The following TNXB variants were observed in gnomAD, a reference collection of about 807,000 sequenced individuals.
TNXB encodes the protein tenascin-X.
In TNXB, 183 loss-of-function variants were observed where a neutral mutation model predicts 340.5. The observed-to-expected ratio is 0.54, with a 90% CI of 0.48 to 0.61. The LOEUF (loss-of-function observed/expected upper bound fraction) is 0.61. TNXB is among the 20% of genes least tolerant of loss of function. The pLI, the probability that TNXB is intolerant of heterozygous loss-of-function variation, is 0.00. For missense variants in TNXB, 4,613 were observed against 5,446.4 expected, an observed-to-expected ratio of 0.85 and a Z score of 4.82; for synonymous variants, 2,121 against 2,314.5, an observed-to-expected ratio of 0.92 and a Z score of 2.40.
chr6:32,105,796 T>C (rs1162416724), intron 1 of TNXB, among the ~76,000 whole-genome samples: 2 of 152,176 alleles, frequency 1.3e-5, no homozygotes, highest in Non-Finnish European at 2.9e-5. Context: ...GGTGAACACA[T>C]GCAAACCCTA....
Position 32,084,536 on chromosome 6 carries a change from C to T in TNXB, c.3322G>A (p.Val1108Met), listed in dbSNP as rs121912575. The T allele has an allele frequency of 7.0e-4, 1,130 of 1,608,792 alleles. No homozygotes were observed. The highest frequency in any genetic ancestry group is 1.0e-3 in the Admixed American group (61 of 60,008). Reference sequence around the variant, plus strand: ...ACGGCCGAGCGCTGGGGTCCTTCCACGGGCACCACCTGGGGCTGCCCGTCC... The same window carrying T: ...ACGGCCGAGCGCTGGGGTCCTTCCATGGGCACCACCTGGGGCTGCCCGTCC... ...DRDGQPQVVP[V>M]EGPQRSAVIT... Residue 1108 changes from valine (V) to methionine (M), a missense_variant, in exon 8 of 44, where the codon GTG (valine) becomes ATG (methionine). Coordinates refer to ENST00000644971, the MANE Select transcript of TNXB (RefSeq NM_001365276.2). This position sits in a 1 kb window ranked among gnomAD's most constrained non-coding sequence, Gnocchi z 5.5.
At chr6:32,094,395 T>G (rs1256549563) in intron 4 of TNXB, among the ~76,000 whole-genome samples, 1 of 152,196 alleles carries the variant, frequency 6.6e-6, no homozygotes, top group Non-Finnish European at 1.5e-5. Flanking sequence ...GGGCCTATAT[T>G]ACTTTTATAA....
intron 1 of TNXB, among the ~76,000 whole-genome samples, chr6:32,107,157 C>T (rs558841007): frequency 6.6e-6 from 1 of 152,330 alleles, no homozygotes; most frequent in African/African-American, 2.4e-5. Context: ...TGGGAAGCAG[C>T]GGACACATGG....
intron 1 of TNXB, among the ~76,000 whole-genome samples, chr6:32,102,918 CAAAAAACAAACA>C (rs1780793696): frequency 1.3e-5 from 2 of 151,460 alleles, no homozygotes; most frequent in South Asian, 4.2e-4. Context: ...GACTCTATGT[CAAAAAACAAACA>C]AAAAAACAAA....
In TNXB at chr6:32,082,260, G is replaced by T. The variant is rs1369354124; in HGVS notation, c.3512C>A (p.Thr1171Asn). 1.9e-6 allele frequency: 3 copies of T among 1,607,376 alleles called. No homozygotes were observed. The highest frequency in any genetic ancestry group is 1.7e-6 in the Non-Finnish European group (2 of 1,177,500). Residue 1171 changes from threonine to asparagine, a missense_variant, in exon 9 of 44, where the codon ACC (threonine) becomes AAC (asparagine). Around this residue, in one of 7 missense-constraint regions of TNXB, gnomAD observed 4,327 missense variants for 4,859.4 expected, o/e 0.89. Coordinates refer to ENST00000644971, the MANE Select transcript of TNXB (RefSeq NM_001365276.2). The surrounding 1 kb of genome is among the most constrained non-coding windows in gnomAD (Gnocchi z 5.0). ...HLGNLWVTDPTPDSLHLSWTV... is the reference protein window; with the variant it reads ...HLGNLWVTDPNPDSLHLSWTV... ...CCAGGAGAGGTGCAGTGAATCTGGG[G>T]TAGGGTCTGTCACCCACAGGTTTCC...
chr6:32,082,056 A>AG lies in TNXB; in HGVS notation c.3715dup (p.Leu1239ProfsTer19). The AG allele has an allele frequency of 1.2e-6, 2 of 1,606,298 alleles. No homozygotes were observed. The highest frequency in any genetic ancestry group is 1.7e-6 in the Non-Finnish European group (2 of 1,176,842). On this transcript the variant is annotated frameshift_variant, in exon 9 of 44. Coordinates refer to ENST00000644971, the MANE Select transcript of TNXB (RefSeq NM_001365276.2). LOFTEE classifies it high-confidence loss of function. This position sits in a 1 kb window ranked among gnomAD's most constrained non-coding sequence, Gnocchi z 5.0. ...CTCACCAGTGGTGCCATCGGCCGTG[A>AG]GGGGGCCATACCGCTTCTTGTTCGC...
At position 32,053,470 on chromosome 6, in the gene TNXB, C is replaced by T. The variant is rs1342757861; in HGVS notation, c.8709G>A (p.Glu2903=). ...GGTTCATCTTGTACTTGTGGTCTGGCTCCAGGCCTGAGATGGTGACCCCGT... is the reference window on the plus strand; with the variant it reads ...GGTTCATCTTGTACTTGTGGTCTGGTTCCAGGCCTGAGATGGTGACCCCGT... The part of the protein sequence containing the change: ...HEDGVTISGL[E]PDHKYKMNLY... The change falls in exon 25 of 44, where the codon GAG becomes GAA. Residue 2903 remains glutamate (E), a synonymous_variant. Coordinates refer to ENST00000644971, the MANE Select transcript of TNXB (RefSeq NM_001365276.2). 6.2e-7 allele frequency: 1 copy of T among 1,613,372 alleles called. No individual in the cohort carries two copies. The highest frequency in any genetic ancestry group is 1.3e-5 in the African/African-American group (1 of 75,048).
At chr6:32,055,818 C>T in intron 24 of TNXB, 33 bp downstream of exon 24, 2 of 1,592,498 alleles carry the variant, frequency 1.3e-6, no homozygotes, top group Non-Finnish European at 1.7e-6. Flanking sequence ...GCAACATCTT[C>T]TAGGGCCATC....
In TNXB at chr6:32,045,147, G is replaced by A. The variant is rs751849136; in HGVS notation, c.10786C>T (p.Gln3596Ter). The A allele has an allele frequency of 1.2e-6, 2 of 1,612,982 alleles. No homozygotes were observed. Among genetic ancestry groups the A allele is most frequent in the African/African-American group, 1.3e-5 (1 of 74,958 alleles). ...FVVQYEDTNG[Q>*]PQALLVDGDQ... ...CCGTCCACGAGCAAGGCCTGGGGCT[G>A]CCCGTTCGTGTCCTCATACTGGACC... The change falls in exon 32 of 44, where the codon CAG becomes TAG. Residue 3596 changes from glutamine (Q) to a stop codon, truncating the protein, a stop_gained. Transcript: ENST00000644971. LOFTEE classifies it high-confidence loss of function.
At position 32,095,927 on chromosome 6, in the gene TNXB, G is replaced by A. The variant is rs1268163127; in HGVS notation, c.1926C>T (p.Tyr642=). ...TGCGGGTGGCACAGGTAGGGCCGGTGTAGCCTGGGTCGCACAGGCAGCGCC... is the reference window on the plus strand; with the variant it reads ...TGCGGGTGGCACAGGTAGGGCCGGTATAGCCTGGGTCGCACAGGCAGCGCC... ...EEGRCLCDPG[Y]TGPTCATRMC... Residue 642 remains tyrosine, a synonymous_variant, in exon 3 of 44, where the codon TAC becomes TAT. Transcript: ENST00000644971. 6 of 1,612,922 alleles carry A rather than the reference G, an allele frequency of 3.7e-6. No individual in the cohort carries two copies. The highest frequency in any genetic ancestry group is 4.2e-6 in the Non-Finnish European group (5 of 1,179,672).
In TNXB at chr6:32,043,629, C is replaced by T. The variant is rs1776603105; in HGVS notation, c.11531-73G>A. 10 of 1,427,894 alleles carry T rather than the reference C, an allele frequency of 7.0e-6. No homozygotes were observed. The South Asian group carries it at 8.0e-5, about 11-fold the overall frequency. 88.5% of individuals were successfully genotyped at this position (1,427,894 alleles called of 1,614,324 possible). A position where few individuals can be genotyped will look rare whatever the true frequency, so the allele number is the denominator to read the frequency against. On this transcript the variant is annotated intron_variant, in intron 35 of 43. Coordinates refer to ENST00000644971, the MANE Select transcript of TNXB (RefSeq NM_001365276.2). Reference sequence around the variant, plus strand: ...TCCGTGCCTCCCCAGACTCCACTGGCCTCCCGTCCGCAATCGGAGCCTCCA... The same window carrying T: ...TCCGTGCCTCCCCAGACTCCACTGGTCTCCCGTCCGCAATCGGAGCCTCCA...
chr6:32,061,805 C>T lies in TNXB; in HGVS notation c.7169-85G>A. 3.9e-6 allele frequency: 6 copies of T among 1,522,432 alleles called. No individual in the cohort carries two copies. The highest frequency in any genetic ancestry group is 3.5e-6 in the Non-Finnish European group (4 of 1,126,918). The allele number at this position is 1,522,432 out of a possible 1,614,324, so 94.3% of individuals were successfully genotyped here. On this transcript the variant is annotated intron_variant, in intron 20 of 43. Transcript: ENST00000644971. The surrounding 1 kb of genome is among the most constrained non-coding windows in gnomAD (Gnocchi z 4.4). ...GGGAAAAGGAGGGAGAAGGCTATGA[C>T]TAGGGGACATATGAAATAGCCAAGG...
At chr6:32,101,657 G>A (rs943112320) in intron 1 of TNXB, among the ~76,000 whole-genome samples, 10 of 144,528 alleles carry the variant, frequency 6.9e-5, no homozygotes, top group Non-Finnish European at 1.5e-4. Flanking sequence ...TCAAACTCCT[G>A]ACCTCAAGTG....
Position 32,043,334 on chromosome 6 carries a change from G to A in TNXB, c.11651-16C>T. The A allele has an allele frequency of 2.6e-6, 1 of 388,302 alleles. No homozygotes were observed. The highest frequency in any genetic ancestry group is 4.4e-6 in the Non-Finnish European group (1 of 228,618). 24.1% of individuals were successfully genotyped at this position (388,302 alleles called of 1,614,324 possible). A position where few individuals can be genotyped will look rare whatever the true frequency, so the allele number is the denominator to read the frequency against. ...AGAGGCGGGGCTGGGAGTGTAGAGAGGGGCATCAAGGCCTGCCCCCTCCAT... is the reference window on the plus strand; with the variant it reads ...AGAGGCGGGGCTGGGAGTGTAGAGAAGGGCATCAAGGCCTGCCCCCTCCAT... On this transcript the variant is annotated splice_polypyrimidine_tract_variant and intron_variant, in intron 36 of 43. Coordinates refer to ENST00000644971, the MANE Select transcript of TNXB (RefSeq NM_001365276.2).
chr6:32,042,414 C>G (rs778805310), intron 40 of TNXB, 41 bp downstream of exon 40: 6 of 1,599,664 alleles, frequency 3.8e-6, no homozygotes, highest in Non-Finnish European at 5.1e-6. Context: ...GGCAACAGAC[C>G]CTGCCCTGCA....
chr6:32,064,810 T>C lies in TNXB; in HGVS notation c.6841+11A>G. 3 of 1,608,722 alleles carry C rather than the reference T, an allele frequency of 1.9e-6. No individual in the cohort carries two copies. The highest frequency in any genetic ancestry group is 2.2e-5 in the South Asian group (2 of 90,688). On this transcript the variant is annotated intron_variant, in intron 19 of 43. Transcript: ENST00000644971. The surrounding 1 kb of genome is among the most constrained non-coding windows in gnomAD (Gnocchi z 5.3). ...TTCAGGGCAGGGCCCAGTGCCCTAC[T>C]GCACACTCACCAGTTAAACCAACAG...
Position 32,070,000 on chromosome 6 carries a change from G to T in TNXB, c.5278+127C>A. 7.3e-7 allele frequency: 1 copy of T among 1,375,310 alleles called. No homozygotes were observed. Among genetic ancestry groups the T allele is most frequent in the Admixed American group, 2.7e-5 (1 of 36,654 alleles). 85.2% of individuals were successfully genotyped at this position (1,375,310 alleles called of 1,614,324 possible). ...GGGCTGTGCTAGGGGCTTGTGCAGG[G>T]ACGTGGGGAGCTGGATCTGAGCCGA... On this transcript the variant is annotated intron_variant, in intron 14 of 43. Transcript: ENST00000644971. The surrounding 1 kb of genome is among the most constrained non-coding windows in gnomAD (Gnocchi z 6.2).
chr6:32,103,729 T>G (rs1413154568), intron 1 of TNXB, among the ~76,000 whole-genome samples: 2 of 140,146 alleles, frequency 1.4e-5, no homozygotes, highest in African/African-American at 5.3e-5. Context: ...CACCGCATCT[T>G]TTTTTTTTTT....
intron 11 of TNXB, among the ~76,000 whole-genome samples, chr6:32,076,526 A>G (rs1230351296): frequency 6.6e-6 from 1 of 152,260 alleles, no homozygotes; most frequent in East Asian, 1.9e-4. Context: ...ATGGATATAC[A>G]GGGATTCCCT....
Sources: allele counts gnomAD v4.1 joint callset (sites outside exome capture counted in the v4.1 genomes callset), GRCh38; gene constraint gnomAD v4.1.1; regional missense constraint gnomAD v4.1.1; non-coding constraint Gnocchi (gnomAD v3.1); transcripts MANE v1.5; gene names NCBI Gene and HGNC (gene_info 2026-07-23, HGNC 2026-07-21).